Variants in TNIK observed in about 807,000 individuals in gnomAD.
TNIK encodes TRAF2 and NCK interacting kinase.
A neutral mutation model predicts 191.3 loss-of-function variants in TNIK; 49 were observed. The ratio of observed to expected loss-of-function variants is 0.26; its 90% CI spans 0.20 to 0.32. The LOEUF is 0.32. Ranked by LOEUF, TNIK falls within the 10% of genes least tolerant of loss-of-function variation. TNIK has a pLI of 1.00. For missense variants in TNIK, 1,155 were observed against 1,702.3 expected, an observed-to-expected ratio of 0.68 and a Z score of 5.66; for synonymous variants, 594 against 600.9, an observed-to-expected ratio of 0.99 and a Z score of 0.17.
At chr3:171,232,201 T>C (rs1743739216) in intron 2 of TNIK, among the ~76,000 whole-genome samples, 1 of 152,046 alleles carries the variant, frequency 6.6e-6, no homozygotes, top group African/African-American at 2.4e-5. Flanking sequence ...AATACATGTT[T>C]CAAGCTGGTG....
At chr3:171,416,645 T>A (rs1723123609) in intron 1 of TNIK, among the ~76,000 whole-genome samples, 2 of 152,212 alleles carry the variant, frequency 1.3e-5, no homozygotes, top group Admixed American at 6.5e-5. Context: ...TTTCCATATA[T>A]ATCATGTCCT....
chr3:171,091,972 C>CA (rs1241754353), intron 23 of TNIK, among the ~76,000 whole-genome samples: 2 of 146,888 alleles, frequency 1.4e-5, no homozygotes, highest in African/African-American at 5.0e-5. Flanking sequence ...TTTTTTAAGA[C>CA]AGAGTCTCGT....
chr3:171,227,810 A>G (rs1414998988), intron 3 of TNIK, among the ~76,000 whole-genome samples: 2 of 152,138 alleles, frequency 1.3e-5, no homozygotes, highest in African/African-American at 4.8e-5. Flanking sequence ...TTTTTTGACT[A>G]ACAGTGGTGT....
chr3:171,100,364 G>A (rs1351665356), intron 22 of TNIK, among the ~76,000 whole-genome samples: 2 of 152,144 alleles, frequency 1.3e-5, no homozygotes, highest in South Asian at 2.1e-4. Flanking sequence ...TTTCAGCTAC[G>A]TTAATTAGAT....
chr3:171,377,169 C>T (rs1045471174), intron 1 of TNIK, among the ~76,000 whole-genome samples: 33 of 152,204 alleles, frequency 2.2e-4, no homozygotes, highest in Non-Finnish European at 1.8e-4. Context: ...TATCCTCTTA[C>T]TAATACCAGC....
At chr3:171,337,848 A>T (rs756543647) in intron 2 of TNIK, among the ~76,000 whole-genome samples, 17 of 152,204 alleles carry the variant, frequency 1.1e-4, no homozygotes, top group Non-Finnish European at 2.4e-4. Context: ...CCAGAGGGAG[A>T]ACTACAAATG....
intron 1 of TNIK, among the ~76,000 whole-genome samples, chr3:171,399,626 A>G (rs1720667995): frequency 6.6e-6 from 1 of 152,232 alleles, no homozygotes; most frequent in Non-Finnish European, 1.5e-5. Flanking sequence ...TATGTTGATA[A>G]GAATTTTTTA....
At chr3:171,180,739 T>C (rs546845495) in intron 7 of TNIK, among the ~76,000 whole-genome samples, 8 of 152,194 alleles carry the variant, frequency 5.3e-5, no homozygotes, top group Middle Eastern at 3.2e-3. Context: ...CTGAGCTGGG[T>C]CTTCTGCTTC....
At chr3:171,248,523 G>A (rs1459877283) in intron 2 of TNIK, among the ~76,000 whole-genome samples, 1 of 152,234 alleles carries the variant, frequency 6.6e-6, no homozygotes, top group Non-Finnish European at 1.5e-5. Flanking sequence ...GGAGAGACAA[G>A]TTATTAAAGT....
intron 1 of TNIK, among the ~76,000 whole-genome samples, chr3:171,379,964 A>G (rs188827116): frequency 1.4e-4 from 21 of 151,994 alleles, no homozygotes; most frequent in African/African-American, 5.1e-4. Flanking sequence ...AGCTGAGATC[A>G]CGCCACTGCA....
At chr3:171,114,284 A>ATAT (rs1271954945) in intron 18 of TNIK, among the ~76,000 whole-genome samples, 2 of 152,108 alleles carry the variant, frequency 1.3e-5, no homozygotes, top group African/African-American at 2.4e-5. Context: ...ATGCCGTGAG[A>ATAT]TATTATATTA....
intron 2 of TNIK, among the ~76,000 whole-genome samples, chr3:171,297,050 C>A (rs963592338): frequency 6.6e-6 from 1 of 152,106 alleles, no homozygotes; most frequent in African/African-American, 2.4e-5. Context: ...GCAGTCCTTG[C>A]CTCTTATGAT....
intron 2 of TNIK, among the ~76,000 whole-genome samples, chr3:171,231,712 C>T (rs1375190156): frequency 6.6e-6 from 1 of 152,118 alleles, no homozygotes; most frequent in Non-Finnish European, 1.5e-5. Flanking sequence ...GGGAGTCAGC[C>T]GACCTAAAGC....
intron 1 of TNIK, among the ~76,000 whole-genome samples, chr3:171,431,402 T>A (rs1725376565): frequency 6.6e-6 from 1 of 152,096 alleles, no homozygotes; most frequent in Admixed American, 6.6e-5. Flanking sequence ...TTAATATAAT[T>A]TTCTAATAAA....
At chr3:171,161,848 A>C (rs1033667429) in intron 10 of TNIK, among the ~76,000 whole-genome samples, 1 of 152,026 alleles carries the variant, frequency 6.6e-6, no homozygotes, top group African/African-American at 2.4e-5. Flanking sequence ...CAAACCCAGG[A>C]GGGGGAGCTT....
At chr3:171,167,532 C>T (rs1186279018) in intron 9 of TNIK, among the ~76,000 whole-genome samples, 1 of 152,130 alleles carries the variant, frequency 6.6e-6, no homozygotes, top group Admixed American at 6.5e-5. Flanking sequence ...TGTAACATTA[C>T]ATAGCAGACC....
At chr3:171,174,346 A>G (rs1371623256) in intron 9 of TNIK, among the ~76,000 whole-genome samples, 1 of 152,158 alleles carries the variant, frequency 6.6e-6, no homozygotes, top group Non-Finnish European at 1.5e-5. Context: ...TCATGGTCTC[A>G]CTGCCCAGGA....
chr3:171,071,356 A>C (rs1225073229), intron 28 of TNIK, 33 bp from the exon 29 acceptor site: 1 of 1,423,590 alleles, frequency 7.0e-7, no homozygotes, highest in Non-Finnish European at 9.6e-7. Context: ...GAAAAAGTAC[A>C]TCAATTTACT....
At chr3:171,365,161 C>CTATTTTTTTTTTTTTTTT (rs1715521178) in intron 2 of TNIK, among the ~76,000 whole-genome samples, 1 of 31,912 alleles carries the variant, frequency 3.1e-5, no homozygotes, top group Non-Finnish European at 6.5e-5. Flanking sequence ...GGACTACATT[C>CTATTTTTTTTTTTTTTTT]TTTTTTTTTT....
Sources: allele counts gnomAD v4.1 joint callset (sites outside exome capture counted in the v4.1 genomes callset), GRCh38; gene constraint gnomAD v4.1.1; transcripts MANE v1.5; gene names NCBI Gene and HGNC (gene_info 2026-07-23, HGNC 2026-07-21).